Variants in GIGYF2 observed in about 807,000 individuals in gnomAD.
GIGYF2 encodes the protein GRB10-interacting GYF protein 2.
In GIGYF2, 25 loss-of-function variants were observed where a neutral mutation model predicts 208.1. That is an observed-to-expected ratio of 0.12 (90% confidence interval 0.09 to 0.17). GIGYF2 has a LOEUF of 0.17. Among genes scored for constraint, GIGYF2 ranks in the 10% least tolerant of loss-of-function variants. The pLI is 1.00. For missense variants in GIGYF2, 1,302 were observed against 1,579.4 expected (o/e 0.82, Z 2.98); for synonymous variants, 534 against 543.8 (o/e 0.98, Z 0.25).
chr2:232,761,946 A>G (rs1181337950), intron 8 of GIGYF2, among the ~76,000 whole-genome samples: 3 of 151,442 alleles, frequency 2.0e-5, no homozygotes, highest in Non-Finnish European at 2.9e-5. Flanking sequence ...ATAAAGGAAC[A>G]GGATTCCATT....
chr2:232,736,005 CA>C, intron 3 of GIGYF2: 7 of 980,522 alleles, frequency 7.1e-6, no homozygotes, highest in Non-Finnish European at 7.3e-6. Context: ...CTTGGTTGTT[CA>C]GGTGGGAGTG....
intron 28 of GIGYF2, among the ~76,000 whole-genome samples, chr2:232,856,066 G>T (rs961575223): frequency 2.6e-5 from 4 of 151,964 alleles, no homozygotes; most frequent in Non-Finnish European, 5.9e-5. Flanking sequence ...GAGTAGCTGG[G>T]ACTACAGGTG....
At chr2:232,753,042 T>TCA (rs907685369) in intron 5 of GIGYF2, among the ~76,000 whole-genome samples, 6 of 151,788 alleles carry the variant, frequency 4.0e-5, no homozygotes, top group Non-Finnish European at 7.4e-5. Flanking sequence ...AAACACTATT[T>TCA]CACACACACA....
intron 8 of GIGYF2, among the ~76,000 whole-genome samples, chr2:232,763,562 C>T (rs933495887): frequency 6.6e-6 from 1 of 152,044 alleles, no homozygotes; most frequent in Non-Finnish European, 1.5e-5. Flanking sequence ...CAGTGGCTCG[C>T]ACCTGTAATC....
intron 5 of GIGYF2, among the ~76,000 whole-genome samples, chr2:232,751,237 C>G (rs1698328473): frequency 6.6e-6 from 1 of 152,158 alleles, no homozygotes; most frequent in South Asian, 2.1e-4. Context: ...CTCTTTGAGA[C>G]TGAGTCTTGC....
chr2:232,704,083 G>A (rs6437071), intron 2 of GIGYF2, among the ~76,000 whole-genome samples: 67,960 of 151,900 alleles, frequency 0.45, 15,722 homozygotes, highest in South Asian at 0.69. Context: ...AACTTGGTTC[G>A]GTTCTTTGTC....
At chr2:232,761,699 C>G (rs1028404030) in intron 8 of GIGYF2, 5 of 306,458 alleles carry the variant, frequency 1.6e-5, no homozygotes, top group Non-Finnish European at 3.1e-5. Context: ...AATCTACTAA[C>G]TCTTTTTCTA....
chr2:232,753,449 G>A (rs1023708734), intron 5 of GIGYF2, among the ~76,000 whole-genome samples: 2 of 152,088 alleles, frequency 1.3e-5, no homozygotes, highest in Non-Finnish European at 2.9e-5. Flanking sequence ...AGTGGAGATG[G>A]TGTTTTGCCG....
At chr2:232,753,443 G>A (rs915220425) in intron 5 of GIGYF2, among the ~76,000 whole-genome samples, 1 of 151,980 alleles carries the variant, frequency 6.6e-6, no homozygotes, top group Non-Finnish European at 1.5e-5. Context: ...AATTTTAGTG[G>A]AGATGGTGTT....
intron 2 of GIGYF2, among the ~76,000 whole-genome samples, chr2:232,728,912 A>G (rs1697327730): frequency 6.6e-6 from 1 of 152,112 alleles, no homozygotes; most frequent in Admixed American, 6.6e-5. Flanking sequence ...GAATTGCTTT[A>G]TAAACTCAGA....
chr2:232,719,230 T>TA (rs1230459951), intron 2 of GIGYF2: 3 of 152,196 alleles, frequency 2.0e-5, no homozygotes, highest in African/African-American at 7.2e-5. Context: ...TGGTGGTAGC[T>TA]AATCTGTCTT....
In GIGYF2 at chr2:232,813,186, T is replaced by G. The variant is rs1056486012; in HGVS notation, c.2107+695T>G. Among the ~76,000 whole-genome samples, 3 of 147,364 alleles carry G rather than the reference T, an allele frequency of 2.0e-5. No homozygotes were observed. In the Admixed American group the frequency reaches 2.0e-4, roughly 10 times the overall value. On this transcript the variant is annotated intron_variant, in intron 18 of 28. Transcript: ENST00000373563. ...GTGAAGCACCGCTGTTTCTTTGCTT[T>G]CTTTTTTTTTTTTTTTTTTTTGAGA...
chr2:232,716,157 A>G (rs2106264494), intron 2 of GIGYF2, among the ~76,000 whole-genome samples: 1 of 152,068 alleles, frequency 6.6e-6, no homozygotes, highest in South Asian at 2.1e-4. Flanking sequence ...GATTGCTTCC[A>G]GTCTTTTACT....
At chr2:232,708,856 TCA>T in intron 2 of GIGYF2, among the ~76,000 whole-genome samples, 1 of 151,196 alleles carries the variant, frequency 6.6e-6, no homozygotes. Context: ...GTGTGGTGGC[TCA>T]CACCTGTAAT....
At chr2:232,791,548 G>A (rs1368609645) in intron 12 of GIGYF2, 102 bp downstream of exon 12, 3 of 944,286 alleles carry the variant, frequency 3.2e-6, no homozygotes, top group Non-Finnish European at 5.0e-6. Context: ...ACTGCTTTTA[G>A]TGGGTGAATT....
chr2:232,807,488 A>G (rs892956533), intron 15 of GIGYF2, among the ~76,000 whole-genome samples: 1 of 152,238 alleles, frequency 6.6e-6, no homozygotes, highest in Admixed American at 6.5e-5. Flanking sequence ...GCACCGCTGC[A>G]CTGCAGCTTG....
Position 232,749,038 on chromosome 2 carries a change from C to A in GIGYF2, c.223C>A (p.Pro75Thr). The A allele has an allele frequency of 6.2e-7, 1 of 1,606,532 alleles. No homozygotes were observed. Among genetic ancestry groups the A allele is most frequent in the Non-Finnish European group, 8.5e-7 (1 of 1,173,188 alleles). Residue 75 changes from proline to threonine, a missense_variant, in exon 5 of 29, where the codon CCC (proline) becomes ACC (threonine). Physicochemically the swap from Pro to Thr is conservative, Grantham distance 38 (BLOSUM62 -1). Coordinates refer to ENST00000373563, the MANE Select transcript of GIGYF2 (RefSeq NM_001103146.3). ...KEFLPILQEE[P>T]LPPLALVPFT... ...ATTTCTGCCTATCCTCCAGGAGGAA[C>A]CCCTTCCACCATTGGCTCTGGTACC...
chr2:232,831,315 T>C (rs1701419851), intron 21 of GIGYF2, among the ~76,000 whole-genome samples: 1 of 152,230 alleles, frequency 6.6e-6, no homozygotes, highest in Non-Finnish European at 1.5e-5. Context: ...ATTGAGATTT[T>C]TTTTCAGAAA....
intron 22 of GIGYF2, among the ~76,000 whole-genome samples, chr2:232,838,306 A>G (rs921908432): frequency 3.9e-5 from 6 of 152,044 alleles, no homozygotes; most frequent in Non-Finnish European, 5.9e-5. Flanking sequence ...ATATACACGC[A>G]TATGTATGTG....
Sources: allele counts gnomAD v4.1 joint callset (sites outside exome capture counted in the v4.1 genomes callset), GRCh38; gene constraint gnomAD v4.1.1; transcripts MANE v1.5; gene names NCBI Gene and HGNC (gene_info 2026-07-23, HGNC 2026-07-21).